DPP10: variants seen among roughly 807,000 people sequenced by gnomAD.
DPP10 encodes inactive dipeptidyl peptidase 10.
Under a neutral mutation model 120.9 loss-of-function variants are expected in DPP10, and 33 were observed. The observed-to-expected ratio is 0.27, with a 90% CI of 0.21 to 0.37. The LOEUF (loss-of-function observed/expected upper bound fraction) is 0.37. DPP10 is among the 10% of genes least tolerant of loss of function. The pLI, the probability that DPP10 is intolerant of heterozygous loss-of-function variation, is 1.00. For missense variants in DPP10, 816 were observed against 942.8 expected (o/e 0.87, Z 1.76); for synonymous variants, 337 against 326.1 (o/e 1.03, Z -0.36).
chr2:114,643,443 C>T (rs983840731), intron 1 of DPP10, among the ~76,000 whole-genome samples: 1 of 151,880 alleles, frequency 6.6e-6, no homozygotes, highest in African/African-American at 2.4e-5. Context: ...TCATAAGACT[C>T]TCTGGAGCAT....
rs70937292 is a variant in DPP10, at chr2:114,591,554, A to ATTTTTTTTTTTTTTTTTTTTTTTTT, written c.60+148734_60+148735insTTTTTTTTTTTTTTTTTTTTTTTTT. Among the ~76,000 whole-genome samples, 2 of 124,604 alleles carry ATTTTTTTTTTTTTTTTTTTTTTTTT rather than the reference A, an allele frequency of 1.6e-5. 1 individual carries two copies. Among genetic ancestry groups the ATTTTTTTTTTTTTTTTTTTTTTTTT allele is most frequent in the African/African-American group, 6.3e-5 (2 of 31,620 alleles). 81.7% of individuals were successfully genotyped at this position (124,604 alleles called of 152,430 possible). ...CTCAGAATGTACCCAACCTCTTCCT[A>ATTTTTTTTTTTTTTTTTTTTTTTTT]TTTTTTTTTTTTTTTTTTGAGATGG... On this transcript the variant is annotated intron_variant, in intron 1 of 25. Coordinates refer to ENST00000410059, the MANE Select transcript of DPP10 (RefSeq NM_020868.6).
At chr2:114,921,183 T>G (rs889095834) in intron 1 of DPP10, among the ~76,000 whole-genome samples, 1 of 152,204 alleles carries the variant, frequency 6.6e-6, no homozygotes, top group Non-Finnish European at 1.5e-5. Flanking sequence ...TTTTAGTATT[T>G]AATTTCAGAA....
At chr2:115,615,730 A>G (rs759142858) in intron 5 of DPP10, among the ~76,000 whole-genome samples, 1 of 152,192 alleles carries the variant, frequency 6.6e-6, no homozygotes, top group Non-Finnish European at 1.5e-5. Context: ...TTAATGTCAA[A>G]TCTAATATTT....
At chr2:114,724,886 G>GT (rs1429023184) in intron 1 of DPP10, among the ~76,000 whole-genome samples, 11 of 152,134 alleles carry the variant, frequency 7.2e-5, no homozygotes, top group Non-Finnish European at 1.3e-4. Context: ...AGAGTGTGGG[G>GT]TTTTTTTGTT....
chr2:114,791,470 G>C (rs1330118789), intron 1 of DPP10, among the ~76,000 whole-genome samples: 1 of 152,188 alleles, frequency 6.6e-6, no homozygotes, highest in Non-Finnish European at 1.5e-5. Context: ...AAAATGAAGA[G>C]AGGAAGTAAG....
chr2:115,545,027 A>T (rs1449792436), intron 5 of DPP10, among the ~76,000 whole-genome samples: 3 of 151,884 alleles, frequency 2.0e-5, no homozygotes, highest in Admixed American at 6.6e-5. Context: ...GTCAGAGGGG[A>T]TGGTAGAATA....
chr2:114,608,512 T>C (rs1183847163), intron 1 of DPP10, among the ~76,000 whole-genome samples: 3 of 152,168 alleles, frequency 2.0e-5, no homozygotes, highest in Non-Finnish European at 2.9e-5. Flanking sequence ...AATTATCTCA[T>C]TTGATCTTCA....
intron 1 of DPP10, among the ~76,000 whole-genome samples, chr2:115,176,347 A>G (rs944980275): frequency 1.4e-5 from 2 of 148,144 alleles, no homozygotes; most frequent in Non-Finnish European, 3.0e-5. Context: ...TAATATTTAT[A>G]TATTTATATT....
intron 1 of DPP10, among the ~76,000 whole-genome samples, chr2:115,002,327 G>A (rs1701498109): frequency 6.6e-6 from 1 of 151,884 alleles, no homozygotes; most frequent in Admixed American, 6.6e-5. Flanking sequence ...CATACGGAGT[G>A]GTTTGAAAAT....
intron 1 of DPP10, among the ~76,000 whole-genome samples, chr2:114,801,442 A>C (rs146538650): frequency 8.5e-4 from 129 of 152,202 alleles, no homozygotes; most frequent in African/African-American, 2.9e-3. Flanking sequence ...AAAGGGGAAA[A>C]CAGACTTGGG....
chr2:115,455,551 A>C (rs1252325072), intron 3 of DPP10, among the ~76,000 whole-genome samples: 1 of 152,144 alleles, frequency 6.6e-6, no homozygotes, highest in Non-Finnish European at 1.5e-5. Context: ...GCATCATGCT[A>C]CCTGACTTTA....
chr2:114,574,730 G>A (rs1246218549), intron 1 of DPP10, among the ~76,000 whole-genome samples: 2 of 152,214 alleles, frequency 1.3e-5, no homozygotes, highest in African/African-American at 4.8e-5. Context: ...AAAAGGGCTA[G>A]ATTATACAGC....
intron 8 of DPP10, among the ~76,000 whole-genome samples, chr2:115,734,604 C>T (rs2092988946): frequency 7.0e-6 from 1 of 143,206 alleles, no homozygotes; most frequent in African/African-American, 2.6e-5. Context: ...TGCAGTGAGC[C>T]GATATCATGC....
At chr2:115,831,139 T>C (rs1032539916) in intron 21 of DPP10, among the ~76,000 whole-genome samples, 10 of 152,262 alleles carry the variant, frequency 6.6e-5, no homozygotes, top group African/African-American at 2.4e-4. Context: ...AAATTTATCT[T>C]GTATTTATAA....
intron 1 of DPP10, among the ~76,000 whole-genome samples, chr2:114,464,813 C>T (rs1053594045): frequency 2.0e-5 from 3 of 152,018 alleles, no homozygotes; most frequent in African/African-American, 4.8e-5. Flanking sequence ...TGACGTGAGC[C>T]GAGATCGTGC....
Position 115,083,356 on chromosome 2 carries a change from T to C in DPP10, c.61-225883T>C, listed in dbSNP as rs78103980. On this transcript the variant is annotated intron_variant, in intron 1 of 25. Transcript: ENST00000410059. ...CTGACAGTTAGGTAATAGTCAGATA[T>C]ATGTCCCGAGGCCCTATGCTTCAAC... 3.4e-3 allele frequency among the ~76,000 whole-genome samples: 511 copies of C among 152,298 alleles called. 2 individuals are homozygous for C. Among genetic ancestry groups the C allele is most frequent in the Middle Eastern group, 6.8e-3 (2 of 294 alleles).
intron 1 of DPP10, among the ~76,000 whole-genome samples, chr2:115,082,654 T>A (rs993870816): frequency 6.6e-6 from 1 of 152,182 alleles, no homozygotes; most frequent in Non-Finnish European, 1.5e-5. Flanking sequence ...GAACTTCACA[T>A]CTAATAAATT....
intron 5 of DPP10, among the ~76,000 whole-genome samples, chr2:115,687,276 C>T (rs2091043392): frequency 6.6e-6 from 1 of 151,910 alleles, no homozygotes; most frequent in African/African-American, 2.4e-5. Flanking sequence ...ATTTTGCCCT[C>T]CCCCATATTC....
intron 1 of DPP10, among the ~76,000 whole-genome samples, chr2:114,657,205 G>A (rs375088597): frequency 3.9e-5 from 6 of 152,232 alleles, no homozygotes; most frequent in East Asian, 1.9e-4. Flanking sequence ...CTAAGAAAAT[G>A]TGTAATATAA....
Sources: gnomAD v4.1 joint callset for allele counts (sites outside exome capture counted in the v4.1 genomes callset) on GRCh38, gnomAD v4.1.1 for gene constraint, MANE v1.5 for transcripts, NCBI Gene and HGNC (gene_info 2026-07-23, HGNC 2026-07-21) for gene names.